TUBGCP4: variants seen among roughly 807,000 people sequenced by gnomAD.
The protein encoded by TUBGCP4 is gamma-tubulin complex component 4.
A neutral mutation model predicts 91.6 loss-of-function variants in TUBGCP4; 54 were observed. The ratio of observed to expected loss-of-function variants is 0.59; its 90% CI spans 0.47 to 0.74. The LOEUF (loss-of-function observed/expected upper bound fraction) is 0.74. Ranked by LOEUF, TUBGCP4 falls within the 30% of genes least tolerant of loss-of-function variation. TUBGCP4 has a pLI of 0.00. For synonymous variants in TUBGCP4, 297 were observed against 302.8 expected (o/e 0.98, Z 0.20); for missense variants, 593 against 800.9 (o/e 0.74, Z 3.13).
chr15:43,396,063 A>G (rs946989912), intron 11 of TUBGCP4, among the ~76,000 whole-genome samples: 1 of 152,120 alleles, frequency 6.6e-6, no homozygotes, highest in African/African-American at 2.4e-5. Flanking sequence ...AGGGAAATGG[A>G]TTTGCTATTG....
chr15:43,373,717 C>T (rs1043280523), intron 1 of TUBGCP4, among the ~76,000 whole-genome samples: 2 of 149,646 alleles, frequency 1.3e-5, no homozygotes, highest in African/African-American at 4.9e-5. Context: ...GGTGCAATCT[C>T]GGCTCACTGC....
chr15:43,409,641 C>T lies in TUBGCP4; in HGVS notation c.*4427C>T. ...CTATATTAGGTTACACAAAGAAACT[C>T]CTCACCTGGGCTTCATTGAAATCTT... On this transcript the variant is annotated 3_prime_UTR_variant, in exon 18 of 18. Transcript: ENST00000564079. The T allele has an allele frequency of 6.6e-7, 1 of 1,508,244 alleles. No individual in the cohort carries two copies. Among genetic ancestry groups the T allele is most frequent in the Non-Finnish European group, 8.9e-7 (1 of 1,117,490 alleles). 93.4% of individuals were successfully genotyped at this position (1,508,244 alleles called of 1,614,324 possible). A position where few individuals can be genotyped will look rare whatever the true frequency, so the allele number is the denominator to read the frequency against.
intron 9 of TUBGCP4, among the ~76,000 whole-genome samples, chr15:43,389,905 A>C (rs2044438613): frequency 6.6e-6 from 1 of 151,476 alleles, no homozygotes; most frequent in Non-Finnish European, 1.5e-5. Flanking sequence ...AAAAATATAT[A>C]AAATATATAA....
At position 43,403,670 on chromosome 15, in the gene TUBGCP4, G is replaced by C; in HGVS notation, c.1732-13G>C. On this transcript the variant is annotated splice_polypyrimidine_tract_variant and intron_variant, in intron 15 of 17. Transcript: ENST00000564079. ...TCCTTCCTTTCCTAATGCCAACTCT[G>C]TTTCCCGGGTAGGTGTTTCACTGCC... The C allele has an allele frequency of 6.3e-7, 1 of 1,597,024 alleles. No homozygotes were observed. The highest frequency in any genetic ancestry group is 1.1e-5 in the South Asian group (1 of 90,402).
chr15:43,407,666 G>T lies in TUBGCP4; in HGVS notation c.*2452G>T. 8.2e-7 allele frequency: 1 copy of T among 1,212,674 alleles called. No homozygotes were observed. The highest frequency in any genetic ancestry group is 1.1e-6 in the Non-Finnish European group (1 of 871,688). 75.1% of individuals were successfully genotyped at this position (1,212,674 alleles called of 1,614,324 possible). ...GATTCTAACCAATACATCCCACTCT[G>T]CACAAACCAAAGCCCTATTATGTCA... is the stretch of plus-strand genomic sequence containing the variant. On this transcript the variant is annotated 3_prime_UTR_variant, in exon 18 of 18. Coordinates refer to ENST00000564079, the MANE Select transcript of TUBGCP4 (RefSeq NM_014444.5).
At position 43,395,121 on chromosome 15, in the gene TUBGCP4, G is replaced by T; in HGVS notation, c.1029G>T (p.Leu343Phe). 1 of 1,614,154 alleles carries T rather than the reference G, an allele frequency of 6.2e-7. No homozygotes were observed. Among genetic ancestry groups the T allele is most frequent in the Non-Finnish European group, 8.5e-7 (1 of 1,180,034 alleles). ...RSTVAEHLWK[L>F]MVEESDLLGQ... The stretch of plus-strand genomic sequence containing the variant: ...TGTTTTCATAGCATCTCTGGAAGTT[G>T]ATGGTAGAAGAATCCGATTTACTGG... The change falls in exon 10 of 18, where the codon TTG becomes TTT. Residue 343 changes from leucine (L) to phenylalanine (F), a missense_variant. Leu to Phe is a conservative substitution (Grantham distance 22). Transcript: ENST00000564079.
At chr15:43,402,226 G>A (rs2044698839) in intron 15 of TUBGCP4, 2 of 180,536 alleles carry the variant, frequency 1.1e-5, no homozygotes, top group Admixed American at 1.1e-4. Flanking sequence ...GTTGCAGTGA[G>A]CCAAGATCAT....
At chr15:43,387,340 A>G (rs7173990) in intron 9 of TUBGCP4, among the ~76,000 whole-genome samples, 5,437 of 152,326 alleles carry the variant, frequency 0.036, 321 homozygotes, top group African/African-American at 0.12. Context: ...TCTGTGGCTT[A>G]TATTAACATT....
At chr15:43,390,028 A>G (rs1476356473) in intron 9 of TUBGCP4, among the ~76,000 whole-genome samples, 4 of 152,144 alleles carry the variant, frequency 2.6e-5, no homozygotes, top group African/African-American at 9.7e-5. Flanking sequence ...TTCCTCCCAC[A>G]ACACGTGGGA....
intron 9 of TUBGCP4, among the ~76,000 whole-genome samples, 195 bp downstream of exon 9, chr15:43,386,525 G>C (rs530629376): frequency 6.7e-6 from 1 of 148,216 alleles, no homozygotes; most frequent in Admixed American, 6.8e-5. Flanking sequence ...AGGAGTTCAA[G>C]ACCAGCCCGG....
chr15:43,397,296 C>A lies in TUBGCP4; in HGVS notation c.1254C>A (p.Ile418=). The change falls in exon 12 of 18, where the codon ATC becomes ATA. Residue 418 remains isoleucine, a synonymous_variant. Transcript: ENST00000564079. The part of the protein sequence containing the change: ...DNLLPLLHLT[I]EYHGKEHKDA... ...TTCTCCCTCTGTTGCACTTGACAAT[C>A]GAGTATCACGGAAAGGAGCACAAAG... The A allele has an allele frequency of 6.2e-7, 1 of 1,613,976 alleles. No homozygotes were observed. The highest frequency in any genetic ancestry group is 8.5e-7 in the Non-Finnish European group (1 of 1,179,900).
rs921073998 is a variant in TUBGCP4 at position 43,407,654 on chromosome 15, A to G, written c.*2440A>G. 1.5e-6 allele frequency: 2 copies of G among 1,322,690 alleles called. No individual in the cohort carries two copies. The highest frequency in any genetic ancestry group is 1.4e-5 in the South Asian group (1 of 71,288). The allele number at this position is 1,322,690 out of a possible 1,614,324, so 81.9% of individuals were successfully genotyped here. On this transcript the variant is annotated 3_prime_UTR_variant, in exon 18 of 18. Transcript: ENST00000564079. ...AAAGAGAGATTTGATTCTAACCAAT[A>G]CATCCCACTCTGCACAAACCAAAGC...
At chr15:43,382,928 T>G (rs990507364) in intron 6 of TUBGCP4, among the ~76,000 whole-genome samples, 2 of 152,202 alleles carry the variant, frequency 1.3e-5, no homozygotes, top group Admixed American at 6.5e-5. Context: ...TAAAACAAAT[T>G]TAATACTGTG....
rs909970536 is a variant in TUBGCP4, at chr15:43,407,683, A to G, written c.*2469A>G. On this transcript the variant is annotated 3_prime_UTR_variant, in exon 18 of 18. Transcript: ENST00000564079. ...CCCACTCTGCACAAACCAAAGCCCT[A>G]TTATGTCAAACACACTGCTACTGAT... 2.3e-5 allele frequency: 24 copies of G among 1,054,820 alleles called. No individual in the cohort carries two copies. Among genetic ancestry groups the G allele is most frequent in the South Asian group, 3.3e-5 (2 of 60,242 alleles). The allele number at this position is 1,054,820 out of a possible 1,614,324, so 65.3% of individuals were successfully genotyped here.
Position 43,394,968 on chromosome 15 carries a change from G to A in TUBGCP4, c.1015-139G>A, listed in dbSNP as rs189815876. 179 of 836,336 alleles carry A rather than the reference G, an allele frequency of 2.1e-4. 1 individual carries two copies. The Middle Eastern group carries it at 2.3e-3, about 11-fold the overall frequency. 51.8% of individuals were successfully genotyped at this position (836,336 alleles called of 1,614,324 possible). On this transcript the variant is annotated intron_variant, in intron 9 of 17. Coordinates refer to ENST00000564079, the MANE Select transcript of TUBGCP4 (RefSeq NM_014444.5). Reference sequence around the variant, plus strand: ...CAGTGTGAGAATGGAATAATACATTGATTGTTTTGAGTAAATTTTTCTATG... The same window carrying A: ...CAGTGTGAGAATGGAATAATACATTAATTGTTTTGAGTAAATTTTTCTATG...
chr15:43,388,539 G>C lies in TUBGCP4; in HGVS notation c.1014+2209G>C, dbSNP rs2044418231. Among the ~76,000 whole-genome samples the C allele has an allele frequency of 2.6e-5, 4 of 152,224 alleles. No individual in the cohort carries two copies. The South Asian group carries it at 6.2e-4, about 24-fold the overall frequency. On this transcript the variant is annotated intron_variant, in intron 9 of 17. Coordinates refer to ENST00000564079, the MANE Select transcript of TUBGCP4 (RefSeq NM_014444.5). ...AGGCAGTTTCTAGTCTAGAGGGGTTGGTATCAGTTCCTTTCATTTTTGAAA... is the reference window on the plus strand; with the variant it reads ...AGGCAGTTTCTAGTCTAGAGGGGTTCGTATCAGTTCCTTTCATTTTTGAAA...
intron 12 of TUBGCP4, 143 bp from the exon 13 acceptor site, chr15:43,397,898 G>A: frequency 2.6e-6 from 2 of 756,754 alleles, no homozygotes; most frequent in South Asian, 4.4e-5. Context: ...TTTTAGTAGA[G>A]ATGGGGTTTC....
Position 43,409,158 on chromosome 15 carries a change from A to G in TUBGCP4, c.*3944A>G. The G allele has an allele frequency of 6.8e-7, 1 of 1,463,012 alleles. No individual in the cohort carries two copies. Among genetic ancestry groups the G allele is most frequent in the Non-Finnish European group, 9.5e-7 (1 of 1,050,226 alleles). 90.6% of individuals were successfully genotyped at this position (1,463,012 alleles called of 1,614,324 possible). On this transcript the variant is annotated 3_prime_UTR_variant, in exon 18 of 18. Coordinates refer to ENST00000564079, the MANE Select transcript of TUBGCP4 (RefSeq NM_014444.5). ...CTTCTGTGGAAAGCTCCTAAGCAGC[A>G]GCCATAATGAGCCATGAAGAGCAGA...
At chr15:43,372,855 A>G (rs1172168585) in intron 1 of TUBGCP4, among the ~76,000 whole-genome samples, 1 of 152,150 alleles carries the variant, frequency 6.6e-6, no homozygotes, top group Non-Finnish European at 1.5e-5. Flanking sequence ...TTCATAATGT[A>G]TTGTTGTTAC....
Sources: allele counts gnomAD v4.1 joint callset (sites outside exome capture counted in the v4.1 genomes callset), GRCh38; gene constraint gnomAD v4.1.1; transcripts MANE v1.5; gene names NCBI Gene and HGNC (gene_info 2026-07-23, HGNC 2026-07-21).